The following NLGN1 variants were observed in gnomAD, a reference collection of about 807,000 sequenced individuals.
NLGN1 encodes the protein neuroligin-1.
NLGN1 carries 12 observed loss-of-function variants against 65.5 expected under a neutral mutation model. The ratio of observed to expected loss-of-function variants is 0.18; its 90% CI spans 0.12 to 0.30. The LOEUF (loss-of-function observed/expected upper bound fraction) is 0.30. NLGN1 is among the 10% of genes least tolerant of loss of function. NLGN1 has a pLI of 1.00. For synonymous variants in NLGN1, 350 were observed against 359.5 expected (o/e 0.97, Z 0.30); for missense variants, 750 against 1,007.1 (o/e 0.74, Z 3.46).
intron 4 of NLGN1, among the ~76,000 whole-genome samples, chr3:173,977,385 C>G (rs1283320742): frequency 6.6e-6 from 1 of 151,822 alleles, no homozygotes; most frequent in Non-Finnish European, 1.5e-5. Context: ...TGGCGAAGGA[C>G]AGACAAAAGA....
intron 2 of NLGN1, among the ~76,000 whole-genome samples, chr3:173,542,323 G>T (rs1739028911): frequency 6.6e-6 from 1 of 151,908 alleles, no homozygotes; most frequent in Non-Finnish European, 1.5e-5. Flanking sequence ...CTTTTAAAAA[G>T]TTTTATTCTG....
At chr3:173,441,802 G>C (rs909091052) in intron 2 of NLGN1, among the ~76,000 whole-genome samples, 2 of 152,152 alleles carry the variant, frequency 1.3e-5, no homozygotes, top group East Asian at 1.9e-4. Flanking sequence ...CTAATGCAGA[G>C]TTGCCATAAA....
At chr3:174,273,464 A>G (rs192266627) in intron 4 of NLGN1, among the ~76,000 whole-genome samples, 1 of 151,712 alleles carries the variant, frequency 6.6e-6, no homozygotes, top group Non-Finnish European at 1.5e-5. Context: ...ACTCTGTCTT[A>G]TACCAAAGTT....
intron 4 of NLGN1, among the ~76,000 whole-genome samples, chr3:174,154,669 T>C (rs1724989667): frequency 6.6e-6 from 1 of 151,676 alleles, no homozygotes; most frequent in Non-Finnish European, 1.5e-5. Flanking sequence ...TGCAGAAAAC[T>C]GACAATGAAA....
intron 3 of NLGN1, among the ~76,000 whole-genome samples, chr3:173,770,445 T>G (rs1297331584): frequency 6.6e-6 from 1 of 152,182 alleles, no homozygotes; most frequent in Non-Finnish European, 1.5e-5. Flanking sequence ...TTTTAAAAGT[T>G]TTATAAGTTA....
chr3:174,224,007 C>T (rs1321796639), intron 4 of NLGN1, among the ~76,000 whole-genome samples: 3 of 152,338 alleles, frequency 2.0e-5, no homozygotes, highest in African/African-American at 7.2e-5. Flanking sequence ...ACTTTCCATC[C>T]TGCTTCATGA....
At chr3:173,835,580 T>TACACAC (rs57183549) in intron 4 of NLGN1, among the ~76,000 whole-genome samples, 6,356 of 146,412 alleles carry the variant, frequency 0.043, 181 homozygotes, top group African/African-American at 0.074. Context: ...TTCAAACACA[T>TACACAC]ACACACACAC....
chr3:173,559,317 C>G (rs1190939636), intron 2 of NLGN1, among the ~76,000 whole-genome samples: 1 of 152,216 alleles, frequency 6.6e-6, no homozygotes, highest in Admixed American at 6.5e-5. Context: ...AGTCTACCTA[C>G]TCTGCGCTGT....
At chr3:173,663,815 C>T (rs942333488) in intron 3 of NLGN1, among the ~76,000 whole-genome samples, 9 of 151,454 alleles carry the variant, frequency 5.9e-5, no homozygotes, top group Admixed American at 2.0e-4. Flanking sequence ...CTGAAAGTCA[C>T]GCTTCTTGAA....
intron 4 of NLGN1, among the ~76,000 whole-genome samples, chr3:173,954,515 T>G (rs1711522339): frequency 6.6e-6 from 1 of 152,170 alleles, no homozygotes; most frequent in African/African-American, 2.4e-5. Context: ...ACTGTTAGGT[T>G]GAAGTGGAAT....
intron 4 of NLGN1, among the ~76,000 whole-genome samples, chr3:174,162,274 T>C (rs532363845): frequency 2.9e-4 from 44 of 152,064 alleles, no homozygotes; most frequent in Middle Eastern, 3.4e-3. Flanking sequence ...GTTTAATCAG[T>C]TCTTCTGTCT....
intron 3 of NLGN1, among the ~76,000 whole-genome samples, chr3:173,673,251 A>G (rs553192579): frequency 8.5e-5 from 13 of 152,218 alleles, no homozygotes; most frequent in South Asian, 2.1e-4. Context: ...AATTTATGTT[A>G]AGTCATTCCT....
At chr3:173,893,413 G>T (rs559712781) in intron 4 of NLGN1, among the ~76,000 whole-genome samples, 203 of 152,198 alleles carry the variant, frequency 1.3e-3, no homozygotes, top group African/African-American at 4.5e-3. Context: ...TAAAATGGTT[G>T]TATCAATCAT....
At chr3:173,527,775 C>T (rs1677584271) in intron 2 of NLGN1, among the ~76,000 whole-genome samples, 1 of 152,178 alleles carries the variant, frequency 6.6e-6, no homozygotes, top group Non-Finnish European at 1.5e-5. Context: ...TATTAACCCT[C>T]TGTTACATGG....
At chr3:173,498,169 A>C (rs968463055) in intron 2 of NLGN1, among the ~76,000 whole-genome samples, 2 of 151,342 alleles carry the variant, frequency 1.3e-5, no homozygotes, top group African/African-American at 4.9e-5. Flanking sequence ...TCTTCATTTA[A>C]CATTAGGTAT....
intron 4 of NLGN1, among the ~76,000 whole-genome samples, chr3:173,887,377 A>G (rs1158851365): frequency 6.6e-6 from 1 of 151,976 alleles, no homozygotes; most frequent in Non-Finnish European, 1.5e-5. Context: ...ACTTGATCGT[A>G]ATGACTCAGT....
intron 4 of NLGN1, among the ~76,000 whole-genome samples, chr3:174,207,656 T>C (rs762396852): frequency 1.3e-5 from 2 of 152,210 alleles, no homozygotes; most frequent in African/African-American, 2.4e-5. Context: ...CTTATCTCAT[T>C]CTTCAAGTAA....
intron 4 of NLGN1, among the ~76,000 whole-genome samples, chr3:174,110,474 C>A (rs1187903033): frequency 6.6e-6 from 1 of 151,924 alleles, no homozygotes; most frequent in African/African-American, 2.4e-5. Context: ...CAATAAGAAA[C>A]AAATGATTTT....
chr3:174,187,170 A>G (rs1271388722), intron 4 of NLGN1, among the ~76,000 whole-genome samples: 1 of 151,646 alleles, frequency 6.6e-6, no homozygotes, highest in Non-Finnish European at 1.5e-5. Flanking sequence ...TCAATCAATG[A>G]TTGGTAGAAT....
Sources: gnomAD v4.1 joint callset for allele counts (sites outside exome capture counted in the v4.1 genomes callset) on GRCh38, gnomAD v4.1.1 for gene constraint, MANE v1.5 for transcripts, NCBI Gene and HGNC (gene_info 2026-07-23, HGNC 2026-07-21) for gene names.